The following HCN3 variants were observed in gnomAD, a reference collection of about 807,000 sequenced individuals.
HCN3 encodes hyperpolarization activated cyclic nucleotide gated potassium channel 3.
A neutral mutation model predicts 56.8 loss-of-function variants in HCN3; 36 were observed. That is an observed-to-expected ratio of 0.63 (90% CI 0.49 to 0.84). The LOEUF is 0.84. Ranked by LOEUF, HCN3 falls within the 40% of genes least tolerant of loss-of-function variation. The pLI is 0.00. For synonymous variants in HCN3, 425 were observed against 439.7 expected (o/e 0.97, Z 0.42); for missense variants, 930 against 1,079.3 (o/e 0.86, Z 1.94).
rs1413271531 is a variant in HCN3 at position 155,287,894 on chromosome 1, C to T, written c.1756C>T (p.Arg586Trp). 20 of 1,613,794 alleles carry T rather than the reference C, an allele frequency of 1.2e-5. No individual in the cohort carries two copies. The highest frequency in any genetic ancestry group is 1.4e-5 in the Non-Finnish European group (17 of 1,180,014). Residue 586 changes from arginine (R) to tryptophan (W), a missense_variant, in exon 8 of 8, where the codon CGG (arginine) becomes TGG (tryptophan). By Grantham distance (101) the Arg-to-Trp change is moderately radical. Transcript: ENST00000368358. ...TGACAGAGACATGGCTCGGGGTGTT[C>T]GGGGTCGGGCCCCGAGCACAGGAGC... ...QHDRDMARGV[R>W]GRAPSTGAQL... is the part of the protein sequence containing the mutation.
intron 1 of HCN3, among the ~76,000 whole-genome samples, chr1:155,278,204 C>T (rs539991467): frequency 4.0e-4 from 61 of 152,322 alleles, no homozygotes; most frequent in African/African-American, 1.4e-3. Context: ...CTCCTCCAGT[C>T]CTGCTTGCTG....
intron 6 of HCN3, among the ~76,000 whole-genome samples, chr1:155,286,443 C>T (rs1444188019): frequency 6.6e-6 from 1 of 152,184 alleles, no homozygotes; most frequent in African/African-American, 2.4e-5. Flanking sequence ...CCGTGCCAGG[C>T]CTGAGCTCTG....
chr1:155,278,468 C>G (rs949780583), intron 1 of HCN3: 9 of 155,946 alleles, frequency 5.8e-5, no homozygotes, highest in African/African-American at 2.2e-4. Context: ...AGGGGCAGGA[C>G]CACCACCCAG....
At position 155,285,294 on chromosome 1, in the gene HCN3, A is replaced by AGCGAGCCGCTTC; in HGVS notation, c.1225_1236dup (p.Pro409_Glu412dup). 6.3e-7 allele frequency: 1 copy of AGCGAGCCGCTTC among 1,576,744 alleles called. No individual in the cohort carries two copies. Among genetic ancestry groups the AGCGAGCCGCTTC allele is most frequent in the Non-Finnish European group, 8.6e-7 (1 of 1,164,122 alleles). On this transcript the variant is annotated inframe_insertion, in exon 5 of 8. Transcript: ENST00000368358. This position sits in a 1 kb window ranked among gnomAD's most constrained non-coding sequence, Gnocchi z 4.5. ...TGAGGAAAGCATCCTGGGCGAGCTG[A>AGCGAGCCGCTTC]GCGAGCCGCTTCGCGAGGTGGGGCT... is the stretch of plus-strand genomic sequence containing the variant.
rs980206097 is a variant in HCN3 at position 155,284,287 on chromosome 1, G to C, written c.870+152G>C. On this transcript the variant is annotated intron_variant, in intron 3 of 7. Coordinates refer to ENST00000368358, the MANE Select transcript of HCN3 (RefSeq NM_020897.3). This position sits in a 1 kb window ranked among gnomAD's most constrained non-coding sequence, Gnocchi z 4.3. ...GGGAGGAGGGAGGAAAGGGGAAGGA[G>C]ACCCAGAAGAAGTGCTCGTGTGTTG... 2.1e-6 allele frequency: 2 copies of C among 958,390 alleles called. No homozygotes were observed. Among genetic ancestry groups the C allele is most frequent in the Admixed American group, 5.2e-5 (2 of 38,440 alleles). The allele number at this position is 958,390 out of a possible 1,614,324, so 59.4% of individuals were successfully genotyped here.
intron 1 of HCN3, among the ~76,000 whole-genome samples, chr1:155,281,260 G>A (rs769245902): frequency 1.5e-4 from 22 of 150,940 alleles, no homozygotes; most frequent in Non-Finnish European, 2.7e-4. Flanking sequence ...TCGTACAGAC[G>A]GGGTTTCACC....
In HCN3 at chr1:155,282,632, G is replaced by T. The variant is rs374622488; in HGVS notation, c.500G>T (p.Arg167Leu). ...ILLAPRAIRT[R>L]YLRTWFLVDL... ...CTGGCACCGCGGGCCATCCGCACGC[G>T]CTACCTGCGCACCTGGTTCCTGGTT... Residue 167 changes from arginine (R) to leucine (L), a missense_variant, in exon 2 of 8, where the codon CGC (arginine) becomes CTC (leucine). Transcript: ENST00000368358. This position sits in a 1 kb window ranked among gnomAD's most constrained non-coding sequence, Gnocchi z 4.7. 22 of 1,614,118 alleles carry T rather than the reference G, an allele frequency of 1.4e-5. No individual in the cohort carries two copies. Among genetic ancestry groups the T allele is most frequent in the Non-Finnish European group, 1.9e-5 (22 of 1,180,048 alleles).
intron 7 of HCN3, 80 bp from the exon 8 acceptor site, chr1:155,287,701 C>G (rs11264355): frequency 0.29 from 444,775 of 1,509,432 alleles, 72,793 homozygotes; most frequent in East Asian, 0.72. Flanking sequence ...CATCCTGATA[C>G]TCTCATACTC....
Position 155,288,457 on chromosome 1 carries a change from C to A in HCN3, c.2319C>A (p.Asn773Lys). The A allele has an allele frequency of 6.3e-7, 1 of 1,593,420 alleles. No homozygotes were observed. Among genetic ancestry groups the A allele is most frequent in the South Asian group, 1.1e-5 (1 of 87,552 alleles). Reference protein sequence around the residue: ...ATPRGLQLSANM With the variant: ...ATPRGLQLSAKM ...CCCGGGGTCTCCAGCTTTCTGCCAA[C>A]ATGTAAAACCTTTGAGTACATCCAG... Residue 773 changes from asparagine to lysine, a missense_variant, in exon 8 of 8, where the codon AAC (asparagine) becomes AAA (lysine). Transcript: ENST00000368358. This position sits in a 1 kb window ranked among gnomAD's most constrained non-coding sequence, Gnocchi z 6.5.
At chr1:155,283,938 T>C in intron 2 of HCN3, 36 bp from the exon 3 acceptor site, 1 of 1,592,186 alleles carries the variant, frequency 6.3e-7, no homozygotes. Context: ...CAGGGAGGGG[T>C]TCCTGTCCAC....
Position 155,288,398 on chromosome 1 carries a change from C to A in HCN3, c.2260C>A (p.Pro754Thr), listed in dbSNP as rs776503763. 6 of 1,613,126 alleles carry A rather than the reference C, an allele frequency of 3.7e-6. No individual in the cohort carries two copies. The highest frequency in any genetic ancestry group is 3.3e-5 in the Admixed American group (2 of 59,912). ...GGCCAAACCTCCAAGGACAGCCCAGCCCCCCAGGCCACCAGTGCCTGAGCC... is the reference window on the plus strand; with the variant it reads ...GGCCAAACCTCCAAGGACAGCCCAGACCCCCAGGCCACCAGTGCCTGAGCC... ...LLAKPPRTAQ[P>T]PRPPVPEPAT... is the part of the protein sequence containing the mutation. The change falls in exon 8 of 8, where the codon CCC becomes ACC. Residue 754 changes from proline (P) to threonine (T), a missense_variant. Pro to Thr is a conservative substitution (Grantham distance 38). Transcript: ENST00000368358. This position sits in a 1 kb window ranked among gnomAD's most constrained non-coding sequence, Gnocchi z 6.5.
chr1:155,282,957 A>C lies in HCN3; in HGVS notation c.708+117A>C. ...TATGGGTGGGGCTCCTGGTGACCTT[A>C]TAGTGTGGGGAAGATGGGTGGGGCT... is the stretch of plus-strand genomic sequence containing the variant. On this transcript the variant is annotated intron_variant, in intron 2 of 7. Coordinates refer to ENST00000368358, the MANE Select transcript of HCN3 (RefSeq NM_020897.3). This position sits in a 1 kb window ranked among gnomAD's most constrained non-coding sequence, Gnocchi z 4.7. The C allele has an allele frequency of 9.4e-7, 1 of 1,065,088 alleles. No homozygotes were observed. The highest frequency in any genetic ancestry group is 1.6e-5 in the South Asian group (1 of 64,368). The allele number at this position is 1,065,088 out of a possible 1,614,324, so 66.0% of individuals were successfully genotyped here.
Position 155,285,858 on chromosome 1 carries a change from T to C in HCN3, c.1371T>C (p.Arg457=), listed in dbSNP as rs1383453104. Residue 457 remains arginine, a synonymous_variant, in exon 6 of 8, where the codon CGT becomes CGC. Transcript: ENST00000368358. The surrounding 1 kb of genome is among the most constrained non-coding windows in gnomAD (Gnocchi z 4.5). ...EVFQPGDLVV[R]EGSVGRKMYF... ...TCCAGCCGGGGGATCTCGTGGTGCG[T>C]GAGGGCTCCGTGGGGAGGAAGATGT... 6.2e-7 allele frequency: 1 copy of C among 1,614,092 alleles called. No homozygotes were observed. Among genetic ancestry groups the C allele is most frequent in the African/African-American group, 1.3e-5 (1 of 74,938 alleles).
intron 1 of HCN3, among the ~76,000 whole-genome samples, chr1:155,281,438 G>A (rs578002895): frequency 4.2e-5 from 6 of 141,570 alleles, no homozygotes; most frequent in Middle Eastern, 4.6e-3. Context: ...GTGCGATCTC[G>A]GCTCACTGCA....
rs1674190388 is a variant in HCN3, at chr1:155,284,324, C to G, written c.870+189C>G. The G allele has an allele frequency of 2.4e-6, 2 of 845,150 alleles. No individual in the cohort carries two copies. Among genetic ancestry groups the G allele is most frequent in the African/African-American group, 3.4e-5 (2 of 58,348 alleles). The allele number at this position is 845,150 out of a possible 1,614,324, so 52.4% of individuals were successfully genotyped here. A position where few individuals can be genotyped will look rare whatever the true frequency, so the allele number is the denominator to read the frequency against. On this transcript the variant is annotated intron_variant, in intron 3 of 7. Coordinates refer to ENST00000368358, the MANE Select transcript of HCN3 (RefSeq NM_020897.3). This position sits in a 1 kb window ranked among gnomAD's most constrained non-coding sequence, Gnocchi z 4.3. The stretch of plus-strand genomic sequence containing the variant: ...GTGCTCGTGTGTTGGAGGGAGCAGG[C>G]AAAGGAAGGGTACCTACCCGGAAGC...
At chr1:155,286,711 C>T (rs1674299318) in intron 6 of HCN3, among the ~76,000 whole-genome samples, 1 of 151,934 alleles carries the variant, frequency 6.6e-6, no homozygotes, top group South Asian at 2.1e-4. Flanking sequence ...TATAATCTCT[C>T]AGTCCCCAAA....
chr1:155,282,567 C>T lies in HCN3; in HGVS notation c.435C>T (p.Phe145=). The change falls in exon 2 of 8, where the codon TTC becomes TTT. Residue 145 remains phenylalanine, a synonymous_variant. Transcript: ENST00000368358. The surrounding 1 kb of genome is among the most constrained non-coding windows in gnomAD (Gnocchi z 4.7). ...TCCTACTGGATCTGGTGCTCAACTT[C>T]CGAACGGGCATCGTGGTGGAGGAGG... is the stretch of plus-strand genomic sequence containing the variant. ...TFFLLDLVLN[F]RTGIVVEEGA... is the part of the protein sequence containing the mutation. The T allele has an allele frequency of 6.2e-7, 1 of 1,614,260 alleles. No individual in the cohort carries two copies. Among genetic ancestry groups the T allele is most frequent in the Non-Finnish European group, 8.5e-7 (1 of 1,180,058 alleles).
chr1:155,277,898 T>C (rs1378350703), intron 1 of HCN3, 30 bp downstream of exon 1: 8 of 1,601,678 alleles, frequency 5.0e-6, no homozygotes, highest in Non-Finnish European at 6.8e-6. Context: ...GAGGGCAGGG[T>C]ACATCAATCC....
rs1674105737 is a variant in HCN3, at chr1:155,282,650, TC to T, written c.520del (p.Leu174TrpfsTer15). ...AIRTRYLRTW[F>X]LVDLISSIPV... ...CGCACGCGCTACCTGCGCACCTGGTTCCTGGTTGACCTCATCTCTTCTATCC... is the reference window on the plus strand; with the variant it reads ...CGCACGCGCTACCTGCGCACCTGGTTCTGGTTGACCTCATCTCTTCTATCC... On this transcript the variant is annotated frameshift_variant, in exon 2 of 8. Transcript: ENST00000368358. LOFTEE classifies it high-confidence loss of function. The surrounding 1 kb of genome is among the most constrained non-coding windows in gnomAD (Gnocchi z 4.7). 6.2e-7 allele frequency: 1 copy of T among 1,614,226 alleles called. No individual in the cohort carries two copies. Among genetic ancestry groups the T allele is most frequent in the Admixed American group, 1.7e-5 (1 of 60,026 alleles).
Sources: gnomAD v4.1 joint callset for allele counts (sites outside exome capture counted in the v4.1 genomes callset) on GRCh38, gnomAD v4.1.1 for gene constraint, Gnocchi (gnomAD v3.1) non-coding constraint, MANE v1.5 for transcripts, NCBI Gene and HGNC (gene_info 2026-07-23, HGNC 2026-07-21) for gene names.